Variants in OLA1 observed in about 807,000 individuals in gnomAD.
OLA1 encodes obg-like ATPase 1.
OLA1 carries 14 observed loss-of-function variants against 48.4 expected under a neutral mutation model. The ratio of observed to expected loss-of-function variants is 0.29; its 90% CI spans 0.19 to 0.45. OLA1 has a LOEUF of 0.45. Among genes scored for constraint, OLA1 ranks in the 20% least tolerant of loss-of-function variants. The pLI is 1.00. For synonymous variants in OLA1, 127 were observed against 150.4 expected (o/e 0.84, Z 1.14); for missense variants, 325 against 467.1 (o/e 0.70, Z 2.80).
intron 7 of OLA1, among the ~76,000 whole-genome samples, chr2:174,090,155 AT>A (rs1558948355): frequency 6.6e-6 from 1 of 152,048 alleles, no homozygotes; most frequent in Non-Finnish European, 1.5e-5. Context: ...ATAAGACAGC[AT>A]GTGTGTGTGT....
rs540091409 is a variant in OLA1, at chr2:174,202,430, A to G, written c.373+20603T>C. On this transcript the variant is annotated intron_variant, in intron 4 of 10. Coordinates refer to ENST00000284719, the MANE Select transcript of OLA1 (RefSeq NM_013341.5). ...TTAATCATCTTCCTGTGAGCAGTTT[A>G]TCTCTCCAGAAAATTGTGTATTACA... 5.3e-5 allele frequency among the ~76,000 whole-genome samples: 8 copies of G among 152,332 alleles called. No homozygotes were observed. The South Asian group carries it at 8.3e-4, about 16-fold the overall frequency.
chr2:174,075,466 A>C lies in OLA1; in HGVS notation c.1151T>G (p.Phe384Cys), dbSNP rs763854900. 8 of 1,610,086 alleles carry C rather than the reference A, an allele frequency of 5.0e-6. No individual in the cohort carries two copies. The highest frequency in any genetic ancestry group is 5.9e-6 in the Non-Finnish European group (7 of 1,176,968). ...NYIVEDGDII[F>C]FKFNTPQQPK... ...TTGTTGAGGTGTGTTAAATTTGAAG[A>C]AGATAATATCTCCATCTTCAACAAT... Residue 384 changes from phenylalanine to cysteine, a missense_variant, in exon 11 of 11, where the codon TTC becomes TGC. Phe to Cys is a radical substitution (Grantham distance 205). Transcript: ENST00000284719.
Position 174,073,069 on chromosome 2 carries a change from C to T in OLA1, c.*2357G>A, listed in dbSNP as rs1684642761. 2.0e-5 allele frequency: 3 copies of T among 152,288 alleles called. No individual in the cohort carries two copies. The highest frequency in any genetic ancestry group is 2.0e-4 in the Admixed American group (3 of 15,276). The allele number at this position is 152,288 out of a possible 1,614,324, so 9.4% of individuals were successfully genotyped here. On this transcript the variant is annotated 3_prime_UTR_variant, in exon 11 of 11. Transcript: ENST00000284719. ...TGATCATGGCTCACAGTAGCCTCCACCTCCCAGGCTCAAGCGATCGATCAA... is the reference window on the plus strand; with the variant it reads ...TGATCATGGCTCACAGTAGCCTCCATCTCCCAGGCTCAAGCGATCGATCAA...
chr2:174,200,925 T>C (rs1183199106), intron 4 of OLA1, among the ~76,000 whole-genome samples: 8 of 152,248 alleles, frequency 5.3e-5, no homozygotes, highest in Non-Finnish European at 1.2e-4. Context: ...TAATCAATAG[T>C]AAGCATCTAC....
At chr2:174,219,279 A>T (rs1022355060) in intron 4 of OLA1, among the ~76,000 whole-genome samples, 8 of 134,190 alleles carry the variant, frequency 6.0e-5, no homozygotes, top group South Asian at 2.3e-4. Flanking sequence ...CTGACTCTTT[A>T]AAAAAAAAAA....
intron 4 of OLA1, among the ~76,000 whole-genome samples, chr2:174,194,975 T>G (rs777652269): frequency 1.3e-5 from 2 of 152,140 alleles, no homozygotes; most frequent in Non-Finnish European, 2.9e-5. Context: ...CTCTGCAACT[T>G]TGAAACTATG....
chr2:174,079,981 A>G (rs942515354), intron 9 of OLA1, among the ~76,000 whole-genome samples: 1 of 151,982 alleles, frequency 6.6e-6, no homozygotes, highest in Admixed American at 6.6e-5. Context: ...TATCTTTCCT[A>G]CCTCCACATA....
At chr2:174,105,132 A>G (rs1685486310) in intron 7 of OLA1, among the ~76,000 whole-genome samples, 1 of 151,950 alleles carries the variant, frequency 6.6e-6, no homozygotes, top group South Asian at 2.1e-4. Flanking sequence ...AAAAAGCTCA[A>G]ACAAAACTTT....
rs778923412 is a variant in OLA1, at chr2:174,188,590, T to C, written c.373+34443A>G. Among the ~76,000 whole-genome samples the C allele has an allele frequency of 4.5e-4, 69 of 152,054 alleles. 1 individual carries two copies. Among genetic ancestry groups the C allele is most frequent in the Admixed American group, 3.8e-3 (58 of 15,262 alleles). ...TTATATTTACTGTTAAGTACTTAGA[T>C]GTAAATAAGTGTAAGAAAATGGCTG... On this transcript the variant is annotated intron_variant, in intron 4 of 10. Transcript: ENST00000284719.
intron 2 of OLA1, among the ~76,000 whole-genome samples, chr2:174,243,176 T>C (rs1214176167): frequency 1.3e-5 from 2 of 152,168 alleles, no homozygotes; most frequent in African/African-American, 4.8e-5. Context: ...ACCTGGCTAA[T>C]TTTTGTATTT....
chr2:174,247,594 C>G, intron 1 of OLA1: 1 of 1,542,286 alleles, frequency 6.5e-7, no homozygotes, highest in African/African-American at 1.4e-5. Context: ...TCACACCAAA[C>G]CATTCCTCTA....
At chr2:174,244,007 GGA>G (rs1171629763) in intron 2 of OLA1, among the ~76,000 whole-genome samples, 2 of 152,192 alleles carry the variant, frequency 1.3e-5, no homozygotes, top group Non-Finnish European at 2.9e-5. Context: ...TGGAATTACA[GGA>G]GAGACAGGAA....
intron 4 of OLA1, among the ~76,000 whole-genome samples, chr2:174,159,636 T>G (rs887757162): frequency 1.3e-5 from 2 of 152,136 alleles, no homozygotes; most frequent in African/African-American, 4.8e-5. Context: ...AAATACATGT[T>G]ACTGCTTATA....
intron 4 of OLA1, among the ~76,000 whole-genome samples, chr2:174,193,085 T>G (rs1687809182): frequency 8.4e-6 from 1 of 119,136 alleles, no homozygotes. Context: ...AAATATTTCT[T>G]TCTTTCTTTT....
intron 2 of OLA1, among the ~76,000 whole-genome samples, chr2:174,242,249 A>G (rs935932326): frequency 2.0e-5 from 3 of 152,146 alleles, no homozygotes; most frequent in Non-Finnish European, 4.4e-5. Context: ...TGGTTTCAGG[A>G]TGAAACTGCC....
At chr2:174,118,006 G>T (rs890807981) in intron 7 of OLA1, among the ~76,000 whole-genome samples, 3 of 152,120 alleles carry the variant, frequency 2.0e-5, no homozygotes, top group African/African-American at 7.2e-5. Flanking sequence ...GTGAGGCACG[G>T]CTGGGGAGGC....
intron 4 of OLA1, among the ~76,000 whole-genome samples, chr2:174,219,032 C>T (rs1291397928): frequency 1.4e-5 from 2 of 145,142 alleles, no homozygotes; most frequent in East Asian, 2.0e-4. Context: ...CCCTGTGCTT[C>T]CCGGGCCAAT....
Position 174,229,325 on chromosome 2 carries a change from T to C in OLA1, c.228A>G (p.Gln76=). ...VPDERFDFLC[Q]YHKPASKIPA... Reference sequence around the variant, plus strand: ...TCTCTTACCTTGCTGGTTTGTGGTATTGACAAAGAAAGTCAAACCTTTCAT... The same window carrying C: ...TCTCTTACCTTGCTGGTTTGTGGTACTGACAAAGAAAGTCAAACCTTTCAT... Residue 76 remains glutamine, a synonymous_variant, in exon 3 of 11, where the codon CAA becomes CAG. Coordinates refer to ENST00000284719, the MANE Select transcript of OLA1 (RefSeq NM_013341.5). The C allele has an allele frequency of 6.2e-7, 1 of 1,612,302 alleles. No homozygotes were observed. The highest frequency in any genetic ancestry group is 1.1e-5 in the South Asian group (1 of 90,956).
At position 174,199,086 on chromosome 2, in the gene OLA1, C is replaced by A. The variant is rs546039237; in HGVS notation, c.373+23947G>T. ...ATCTCTAACGTGCTGGGTGAGGAAACAGAAGTATGCATAAAATGTTTCTGC... is the reference window on the plus strand; with the variant it reads ...ATCTCTAACGTGCTGGGTGAGGAAAAAGAAGTATGCATAAAATGTTTCTGC... On this transcript the variant is annotated intron_variant, in intron 4 of 10. Coordinates refer to ENST00000284719, the MANE Select transcript of OLA1 (RefSeq NM_013341.5). Among the ~76,000 whole-genome samples, 31 of 151,840 alleles carry A rather than the reference C, an allele frequency of 2.0e-4. No homozygotes were observed. The South Asian group carries it at 6.3e-3, about 31-fold the overall frequency.
Sources: gnomAD v4.1 joint callset for allele counts (sites outside exome capture counted in the v4.1 genomes callset) on GRCh38, gnomAD v4.1.1 for gene constraint, MANE v1.5 for transcripts, NCBI Gene and HGNC (gene_info 2026-07-23, HGNC 2026-07-21) for gene names.